FER: variants seen among roughly 807,000 people sequenced by gnomAD.
The protein encoded by FER is tyrosine-protein kinase Fer.
In FER, 63 loss-of-function variants were observed where a neutral mutation model predicts 111.0. The observed-to-expected ratio is 0.57, with a 90% CI of 0.46 to 0.70. FER has a LOEUF of 0.70. Ranked by LOEUF, FER falls within the 30% of genes least tolerant of loss-of-function variation. The pLI is 0.00. For missense variants in FER, 914 were observed against 954.0 expected (o/e 0.96, Z 0.55); for synonymous variants, 327 against 313.9 (o/e 1.04, Z -0.44).
At chr5:109,018,582 C>T (rs1440746355) in intron 13 of FER, among the ~76,000 whole-genome samples, 1 of 151,748 alleles carries the variant, frequency 6.6e-6, no homozygotes, top group East Asian at 1.9e-4. Context: ...CTTTATCAGT[C>T]TGAGCTTCCA....
chr5:108,755,536 A>G (rs527728946), intron 1 of FER, among the ~76,000 whole-genome samples: 2 of 152,272 alleles, frequency 1.3e-5, no homozygotes, highest in Admixed American at 6.5e-5. Context: ...CCCAGGCTGA[A>G]GTGCAATGGC....
chr5:109,163,100 T>G (rs1238947743), intron 17 of FER, among the ~76,000 whole-genome samples: 1 of 152,140 alleles, frequency 6.6e-6, no homozygotes, highest in Non-Finnish European at 1.5e-5. Flanking sequence ...ATCTCTAATG[T>G]CTAAATGATC....
chr5:108,825,783 G>A (rs1381757985), intron 3 of FER, among the ~76,000 whole-genome samples: 2 of 152,168 alleles, frequency 1.3e-5, no homozygotes, highest in Non-Finnish European at 2.9e-5. Context: ...ACCAATAAAT[G>A]TCCATAAAAT....
chr5:108,849,969 A>G (rs868018142), intron 5 of FER, among the ~76,000 whole-genome samples: 23 of 152,076 alleles, frequency 1.5e-4, no homozygotes, highest in Admixed American at 9.2e-4. Flanking sequence ...AGGCGGGTGG[A>G]TCATGAGGTC....
At chr5:109,156,958 A>G (rs1755464153) in intron 17 of FER, among the ~76,000 whole-genome samples, 1 of 152,054 alleles carries the variant, frequency 6.6e-6, no homozygotes, top group Non-Finnish European at 1.5e-5. Flanking sequence ...TAATGCTCAG[A>G]TGCTAATGGA....
intron 17 of FER, among the ~76,000 whole-genome samples, chr5:109,109,443 T>G (rs766862612): frequency 2.0e-5 from 3 of 152,144 alleles, no homozygotes; most frequent in Non-Finnish European, 4.4e-5. Flanking sequence ...TGTCCATTAC[T>G]TAGTACTCAA....
intron 19 of FER, 33 bp from the exon 20 acceptor site, chr5:109,187,400 C>G (rs376703889): frequency 1.8e-4 from 286 of 1,604,326 alleles, no homozygotes; most frequent in Non-Finnish European, 2.2e-4. Context: ...TACCTCCATT[C>G]TAAATTCTGT....
At chr5:109,109,443 T>C (rs766862612) in intron 17 of FER, among the ~76,000 whole-genome samples, 14 of 152,144 alleles carry the variant, frequency 9.2e-5, no homozygotes, top group Non-Finnish European at 1.8e-4. Context: ...TGTCCATTAC[T>C]TAGTACTCAA....
intron 6 of FER, among the ~76,000 whole-genome samples, chr5:108,868,871 A>G (rs912085025): frequency 7.9e-5 from 12 of 152,148 alleles, no homozygotes; most frequent in African/African-American, 2.9e-4. Context: ...TTTGAAATGT[A>G]GTGGTAAATT....
Position 108,768,214 on chromosome 5 carries a change from A to G in FER, c.-84A>G, listed in dbSNP as rs1002292277. ...ATGGACACGCTACTTTAGCTAAGGC[A>G]TGACCAGCAATGAACAGTAGTAAGG... On this transcript the variant is annotated 5_prime_UTR_variant, in exon 2 of 20. The change abolishes an upstream ATG in the 5' untranslated region. Transcript: ENST00000281092. 6.6e-6 allele frequency: 1 copy of G among 152,224 alleles called. No individual in the cohort carries two copies. Among genetic ancestry groups the G allele is most frequent in the Non-Finnish European group, 1.5e-5 (1 of 68,046 alleles). The allele number at this position is 152,224 out of a possible 1,614,324, so 9.4% of individuals were successfully genotyped here.
chr5:109,066,919 C>T (rs1464222039), intron 16 of FER, among the ~76,000 whole-genome samples: 1 of 152,110 alleles, frequency 6.6e-6, no homozygotes, highest in Non-Finnish European at 1.5e-5. Context: ...GGGATGGTAG[C>T]AGGTGGAATC....
chr5:108,998,132 C>T lies in FER; in HGVS notation c.1656+38785C>T, dbSNP rs190168340. Among the ~76,000 whole-genome samples the T allele has an allele frequency of 2.1e-3, 308 of 145,134 alleles. 1 individual carries two copies. Among genetic ancestry groups the T allele is most frequent in the African/African-American group, 7.2e-3 (284 of 39,432 alleles). On this transcript the variant is annotated intron_variant, in intron 13 of 19. Transcript: ENST00000281092. Reference sequence around the variant, plus strand: ...CTCCCTGGCTTCATCTCCCTTTCCCCGGGGGATGAACGGTTCTGTCTTGCT... The same window carrying T: ...CTCCCTGGCTTCATCTCCCTTTCCCTGGGGGATGAACGGTTCTGTCTTGCT...
intron 10 of FER, among the ~76,000 whole-genome samples, chr5:108,921,771 A>G (rs1753047775): frequency 6.6e-6 from 1 of 152,196 alleles, no homozygotes; most frequent in South Asian, 2.1e-4. Context: ...TGGCCCAACA[A>G]CAGGTTTAAA....
chr5:108,877,203 GT>G (rs542892820), intron 8 of FER, among the ~76,000 whole-genome samples: 28 of 152,032 alleles, frequency 1.8e-4, no homozygotes, highest in Non-Finnish European at 3.4e-4. Flanking sequence ...GGCTGTTCTT[GT>G]TTACAGTATT....
intron 17 of FER, among the ~76,000 whole-genome samples, chr5:109,166,554 AC>A (rs1226504269): frequency 1.3e-5 from 2 of 152,006 alleles, no homozygotes; most frequent in African/African-American, 4.8e-5. Context: ...ATAAAATACC[AC>A]CCCAAAGTAT....
chr5:109,022,898 G>C (rs1035974353), intron 13 of FER, among the ~76,000 whole-genome samples: 3 of 152,116 alleles, frequency 2.0e-5, no homozygotes, highest in Non-Finnish European at 4.4e-5. Flanking sequence ...GCAGGGACTA[G>C]ATTATGCCCT....
intron 9 of FER, among the ~76,000 whole-genome samples, chr5:108,886,932 G>A (rs1747262888): frequency 6.6e-6 from 1 of 151,638 alleles, no homozygotes; most frequent in Admixed American, 6.6e-5. Flanking sequence ...GTCTGAAAGG[G>A]ATTCCAGGGC....
intron 17 of FER, chr5:109,177,671 C>T (rs1255776331): frequency 6.6e-6 from 1 of 152,170 alleles, no homozygotes; most frequent in Non-Finnish European, 1.5e-5. Flanking sequence ...ATTAACCTGT[C>T]TCATATTATG....
At chr5:109,081,717 G>A (rs545987872) in intron 16 of FER, among the ~76,000 whole-genome samples, 1 of 152,116 alleles carries the variant, frequency 6.6e-6, no homozygotes, top group East Asian at 1.9e-4. Flanking sequence ...AAAGAGAAAT[G>A]TAAGTCTTAG....
Sources: allele counts gnomAD v4.1 joint callset (sites outside exome capture counted in the v4.1 genomes callset), GRCh38; gene constraint gnomAD v4.1.1; transcripts MANE v1.5; gene names NCBI Gene and HGNC (gene_info 2026-07-23, HGNC 2026-07-21).